KDM3B: variants seen among roughly 807,000 people sequenced by gnomAD.
The protein encoded by KDM3B is lysine-specific demethylase 3B.
In KDM3B, 10 loss-of-function variants were observed where a neutral mutation model predicts 170.0. The ratio of observed to expected loss-of-function variants is 0.06; its 90% CI spans 0.04 to 0.10. The LOEUF is 0.10. Ranked by LOEUF, KDM3B falls within the 10% of genes least tolerant of loss-of-function variation. The pLI, the probability that KDM3B is intolerant of heterozygous loss-of-function variation, is 1.00. For synonymous variants in KDM3B, 831 were observed against 834.8 expected (o/e 1.00, Z 0.08); for missense variants, 1,394 against 2,195.2 (o/e 0.64, Z 7.29).
intron 11 of KDM3B, among the ~76,000 whole-genome samples, chr5:138,413,332 G>A (rs1337166530): frequency 6.7e-6 from 1 of 149,406 alleles, no homozygotes; most frequent in Non-Finnish European, 1.5e-5. Context: ...GCAGTGAGCC[G>A]AGATCACACC....
At chr5:138,373,067 G>A (rs1461620107) in intron 2 of KDM3B, among the ~76,000 whole-genome samples, 2 of 152,026 alleles carry the variant, frequency 1.3e-5, no homozygotes, top group African/African-American at 2.4e-5. Context: ...GGCCAGACGC[G>A]GTGGCTCACG....
At chr5:138,430,977 A>G (rs1020122456) in intron 22 of KDM3B, among the ~76,000 whole-genome samples, 1 of 152,230 alleles carries the variant, frequency 6.6e-6, no homozygotes, top group Admixed American at 6.5e-5. Flanking sequence ...CTTCTTATCA[A>G]TCCCCTTATC....
chr5:138,391,975 A>C lies in KDM3B; in HGVS notation c.2343A>C (p.Ala781=), dbSNP rs1416002845. ...RHSGGFLSSP[A]DFSQENKAPF... ...CAGGCGGCTTTCTGTCCTCCCCGGC[A>C]GATTTTTCACAGGAGAACAAAGCTC... The change falls in exon 8 of 24, where the codon GCA becomes GCC. Residue 781 remains alanine, a synonymous_variant. Coordinates refer to ENST00000314358, the MANE Select transcript of KDM3B (RefSeq NM_016604.4). This position sits in a 1 kb window ranked among gnomAD's most constrained non-coding sequence, Gnocchi z 5.0. 6.2e-7 allele frequency: 1 copy of C among 1,613,410 alleles called. No individual in the cohort carries two copies. The highest frequency in any genetic ancestry group is 8.5e-7 in the Non-Finnish European group (1 of 1,179,354).
intron 10 of KDM3B, 79 bp from the exon 11 acceptor site, chr5:138,399,781 G>A: frequency 9.7e-6 from 13 of 1,334,346 alleles, no homozygotes; most frequent in Non-Finnish European, 1.4e-5. Flanking sequence ...AAAATAGCTT[G>A]AGTAGGGATC....
In KDM3B at chr5:138,424,296, C is replaced by T. The variant is rs201528454; in HGVS notation, c.4194C>T (p.Asn1398=). The T allele has an allele frequency of 6.4e-5, 103 of 1,613,888 alleles. No homozygotes were observed. The highest frequency in any genetic ancestry group is 8.1e-5 in the Non-Finnish European group (95 of 1,179,992). The change falls in exon 16 of 24, where the codon AAC becomes AAT. Residue 1398 remains asparagine (N), a synonymous_variant. Coordinates refer to ENST00000314358, the MANE Select transcript of KDM3B (RefSeq NM_016604.4). ...GRLLCLHDPS[N]KNNWKIFREC... ...TTCTGTGTCTCCATGACCCCAGCAA[C>T]AAAAACAATTGGAAGATCTTCCGGG...
chr5:138,415,401 T>C (rs1763077709), intron 12 of KDM3B, among the ~76,000 whole-genome samples, 162 bp downstream of exon 12: 1 of 152,076 alleles, frequency 6.6e-6, no homozygotes, highest in Non-Finnish European at 1.5e-5. Flanking sequence ...ATTATTATTA[T>C]TGTTATTGAA....
In KDM3B at chr5:138,357,977, G is replaced by A. The variant is rs1006440869; in HGVS notation, c.192+4990G>A. Among the ~76,000 whole-genome samples, 10 of 151,280 alleles carry A rather than the reference G, an allele frequency of 6.6e-5. No homozygotes were observed. The East Asian group carries it at 1.6e-3, about 24-fold the overall frequency. Reference sequence around the variant, plus strand: ...GCTGGGATTACAGGTGTGAGCCACCGTGCCTGGCATGGAATTATTTATTTA... The same window carrying A: ...GCTGGGATTACAGGTGTGAGCCACCATGCCTGGCATGGAATTATTTATTTA... On this transcript the variant is annotated intron_variant, in intron 1 of 23. Coordinates refer to ENST00000314358, the MANE Select transcript of KDM3B (RefSeq NM_016604.4).
intron 11 of KDM3B, among the ~76,000 whole-genome samples, chr5:138,413,305 C>G (rs944582639): frequency 6.6e-6 from 1 of 151,778 alleles, no homozygotes; most frequent in African/African-American, 2.4e-5. Flanking sequence ...ATTGCTTGAA[C>G]CGGGGAGGCA....
intron 7 of KDM3B, among the ~76,000 whole-genome samples, chr5:138,389,893 C>G (rs1762385201): frequency 6.6e-6 from 1 of 151,420 alleles, no homozygotes; most frequent in African/African-American, 2.4e-5. Context: ...GGGAATCTTG[C>G]TCTGTTGCCA....
At chr5:138,392,925 A>T (rs1216025535) in intron 8 of KDM3B, among the ~76,000 whole-genome samples, 3 of 152,182 alleles carry the variant, frequency 2.0e-5, no homozygotes, top group Non-Finnish European at 2.9e-5. Flanking sequence ...TTTCACATCC[A>T]TATTCAAAGT....
chr5:138,359,196 G>A (rs1474660313), intron 1 of KDM3B, among the ~76,000 whole-genome samples: 4 of 149,334 alleles, frequency 2.7e-5, no homozygotes, highest in African/African-American at 4.9e-5. Context: ...CAGTCTTACT[G>A]TGTCAGCCAG....
At chr5:138,378,426 CTTG>C (rs141406282) in intron 4 of KDM3B, among the ~76,000 whole-genome samples, 1 of 152,132 alleles carries the variant, frequency 6.6e-6, no homozygotes, top group African/African-American at 2.4e-5. Context: ...ACATTAAAAG[CTTG>C]TTGTTTTTAA....
chr5:138,379,476 C>A, intron 4 of KDM3B, 108 bp from the exon 5 acceptor site: 1 of 1,101,232 alleles, frequency 9.1e-7, no homozygotes, highest in Non-Finnish European at 1.3e-6. Context: ...TAAAAGAGGA[C>A]CAAAAGTGCC....
At chr5:138,360,861 G>A (rs1414608525) in intron 1 of KDM3B, among the ~76,000 whole-genome samples, 2 of 152,136 alleles carry the variant, frequency 1.3e-5, no homozygotes, top group South Asian at 2.1e-4. Context: ...CAAAGTGCTG[G>A]GATTACAGGC....
rs528636129 is a variant in KDM3B, at chr5:138,419,017, C to G, written c.3500C>G (p.Pro1167Arg). ...NETTFSGGGG[P>R]APVTTPEPDH... is the part of the protein sequence containing the mutation. Reference sequence around the variant, plus strand: ...ACTACCTTCTCTGGTGGAGGAGGACCGGCACCAGTAACAACTCCAGAGCCG... The same window carrying G: ...ACTACCTTCTCTGGTGGAGGAGGACGGGCACCAGTAACAACTCCAGAGCCG... The change falls in exon 14 of 24, where the codon CCG (proline) becomes CGG (arginine). Residue 1167 changes from proline (P) to arginine (R), a missense_variant. By Grantham distance (103) the Pro-to-Arg change is moderately radical (BLOSUM62 -2). Around this residue, in one of 19 missense-constraint regions of KDM3B, gnomAD observed 87 missense variants for 83.3 expected, o/e 1.04. Coordinates refer to ENST00000314358, the MANE Select transcript of KDM3B (RefSeq NM_016604.4). 6.2e-6 allele frequency: 10 copies of G among 1,614,152 alleles called. No homozygotes were observed. The Admixed American group carries it at 1.0e-4, about 16-fold the overall frequency.
chr5:138,368,730 C>G (rs1008392241), intron 1 of KDM3B, among the ~76,000 whole-genome samples: 1 of 152,128 alleles, frequency 6.6e-6, no homozygotes, highest in Non-Finnish European at 1.5e-5. Flanking sequence ...CAGATTGGAG[C>G]TGTCATTTGA....
At chr5:138,434,222 A>C (rs1580967036) in intron 23 of KDM3B, among the ~76,000 whole-genome samples, 1 of 151,620 alleles carries the variant, frequency 6.6e-6, no homozygotes, top group South Asian at 2.1e-4. Flanking sequence ...ACCCCACTAC[A>C]CTCCAGCCTG....
At chr5:138,387,897 C>T (rs563689533) in intron 7 of KDM3B, among the ~76,000 whole-genome samples, 66 of 152,074 alleles carry the variant, frequency 4.3e-4, no homozygotes, top group South Asian at 2.1e-3. Flanking sequence ...CTGGCTAACA[C>T]GGTGAAACCC....
intron 11 of KDM3B, among the ~76,000 whole-genome samples, chr5:138,403,544 G>A (rs1026294335): frequency 6.6e-6 from 1 of 152,026 alleles, no homozygotes; most frequent in African/African-American, 2.4e-5. Context: ...AGGCATGGTG[G>A]CGGGTGCCTG....
Sources: gnomAD v4.1 joint callset for allele counts (sites outside exome capture counted in the v4.1 genomes callset) on GRCh38, gnomAD v4.1.1 for gene constraint, gnomAD v4.1.1 regional missense constraint, Gnocchi (gnomAD v3.1) non-coding constraint, MANE v1.5 for transcripts, NCBI Gene and HGNC (gene_info 2026-07-23, HGNC 2026-07-21) for gene names.